Variants in ATP8A1 observed in about 807,000 individuals in gnomAD.
ATP8A1 encodes ATPase phospholipid transporting 8A1.
Under a neutral mutation model 177.7 loss-of-function variants are expected in ATP8A1, and 90 were observed. The ratio of observed to expected loss-of-function variants is 0.51; its 90% CI spans 0.43 to 0.60. The LOEUF (loss-of-function observed/expected upper bound fraction) is 0.60, where lower values mean the gene tolerates loss of function less well. Ranked by LOEUF, ATP8A1 falls within the 20% of genes least tolerant of loss-of-function variation. The pLI, the probability that ATP8A1 is intolerant of heterozygous loss-of-function variation, is 0.00. For synonymous variants in ATP8A1, 493 were observed against 485.9 expected (o/e 1.01, Z -0.19); for missense variants, 1,072 against 1,392.8 (o/e 0.77, Z 3.67).
chr4:42,454,407 T>G (rs1299228631), intron 29 of ATP8A1, among the ~76,000 whole-genome samples: 6 of 152,218 alleles, frequency 3.9e-5, no homozygotes, highest in African/African-American at 1.4e-4. Flanking sequence ...TAAGGTTACA[T>G]CTAATTATCA....
At chr4:42,420,101 A>G (rs1713717213) in intron 35 of ATP8A1, among the ~76,000 whole-genome samples, 1 of 152,230 alleles carries the variant, frequency 6.6e-6, no homozygotes, top group African/African-American at 2.4e-5. Context: ...CCAGGGGGTA[A>G]AATCAATCCA....
At chr4:42,651,928 C>T (rs1431850257) in intron 1 of ATP8A1, among the ~76,000 whole-genome samples, 1 of 152,212 alleles carries the variant, frequency 6.6e-6, no homozygotes, top group Non-Finnish European at 1.5e-5. Context: ...ATTTCAAATG[C>T]TAAGTTCAAA....
chr4:42,484,040 T>C (rs1335151090), intron 25 of ATP8A1, among the ~76,000 whole-genome samples: 2 of 152,240 alleles, frequency 1.3e-5, no homozygotes, highest in Admixed American at 1.3e-4. Flanking sequence ...GAGCAATCTT[T>C]TGTTGATCCT....
chr4:42,455,454 C>T (rs777478917), intron 28 of ATP8A1, 35 bp from the exon 29 acceptor site: 2 of 1,613,638 alleles, frequency 1.2e-6, no homozygotes, highest in East Asian at 4.5e-5. Flanking sequence ...TGTCAAGCAG[C>T]CAAATGCAGG....
At chr4:42,558,336 T>C (rs1044628035) in intron 15 of ATP8A1, among the ~76,000 whole-genome samples, 4 of 152,186 alleles carry the variant, frequency 2.6e-5, no homozygotes, top group African/African-American at 9.7e-5. Flanking sequence ...CTAGTAATTT[T>C]TGAGTGTCAC....
intron 5 of ATP8A1, among the ~76,000 whole-genome samples, chr4:42,610,639 C>A (rs1331706679): frequency 6.6e-6 from 1 of 150,380 alleles, no homozygotes; most frequent in Non-Finnish European, 1.5e-5. Context: ...ACAAATATCT[C>A]CTCTCCATCC....
In ATP8A1 at chr4:42,616,092, G is replaced by C. The variant is rs750136142; in HGVS notation, c.364-14C>G. ...TTTATGTCGTTTCTAAAGTTTAAAA[G>C]CAAAAAGAACAACTGTGAAAATGTG... On this transcript the variant is annotated splice_polypyrimidine_tract_variant and intron_variant, in intron 4 of 36. Transcript: ENST00000381668. 1.2e-6 allele frequency: 2 copies of C among 1,607,332 alleles called. No homozygotes were observed. The highest frequency in any genetic ancestry group is 1.7e-6 in the Non-Finnish European group (2 of 1,176,882).
Position 42,625,686 on chromosome 4 carries a change from G to T in ATP8A1, c.192C>A (p.Phe64Leu). 6.2e-7 allele frequency: 1 copy of T among 1,606,544 alleles called. No homozygotes were observed. Among genetic ancestry groups the T allele is most frequent in the African/African-American group, 1.3e-5 (1 of 74,788 alleles). The change falls in exon 3 of 37, where the codon TTC becomes TTA. Residue 64 changes from phenylalanine to leucine, a missense_variant. This residue lies in a region of ATP8A1 where 344 missense variants were observed against 393.5 expected (regional missense o/e 0.87). Coordinates refer to ENST00000381668, the MANE Select transcript of ATP8A1 (RefSeq NM_006095.2). ...ACTGAGAGTAGAGAAATCTTGGAAGGAATGTGATTATGTTGTATTTTGCAG... is the reference window on the plus strand; with the variant it reads ...ACTGAGAGTAGAGAAATCTTGGAAGTAATGTGATTATGTTGTATTTTGCAG... The part of the protein sequence containing the change: ...VSTAKYNIIT[F>L]LPRFLYSQFR...
chr4:42,597,546 TTC>T (rs1366337595), intron 6 of ATP8A1, among the ~76,000 whole-genome samples: 1 of 152,226 alleles, frequency 6.6e-6, no homozygotes, highest in African/African-American at 2.4e-5. Context: ...GTATAATTTC[TTC>T]TGTGTTGCTA....
intron 12 of ATP8A1, among the ~76,000 whole-genome samples, chr4:42,577,848 C>T (rs1371977738): frequency 6.6e-6 from 1 of 152,070 alleles, no homozygotes; most frequent in Non-Finnish European, 1.5e-5. Flanking sequence ...TTTGCTATGT[C>T]AAGAGATTCC....
intron 27 of ATP8A1, among the ~76,000 whole-genome samples, chr4:42,463,344 G>A (rs1719372907): frequency 6.6e-6 from 1 of 152,168 alleles, no homozygotes; most frequent in African/African-American, 2.4e-5. Flanking sequence ...ACCATCTTGA[G>A]GTCTGATGGT....
At chr4:42,457,480 T>C (rs773272219) in intron 27 of ATP8A1, among the ~76,000 whole-genome samples, 2 of 152,204 alleles carry the variant, frequency 1.3e-5, no homozygotes, top group Non-Finnish European at 2.9e-5. Context: ...AAACTTCCAA[T>C]TATGGCCTCT....
At chr4:42,647,832 T>C (rs2109571929) in intron 1 of ATP8A1, among the ~76,000 whole-genome samples, 1 of 152,122 alleles carries the variant, frequency 6.6e-6, no homozygotes, top group Admixed American at 6.5e-5. Context: ...CATGAAATAA[T>C]AAAAGTGGTA....
At chr4:42,517,107 C>CA (rs544078016) in intron 22 of ATP8A1, among the ~76,000 whole-genome samples, 1,528 of 152,158 alleles carry the variant, frequency 0.01, 24 homozygotes, top group African/African-American at 0.035. Flanking sequence ...CGAGACCATC[C>CA]TGGCCAACAT....
At chr4:42,527,408 C>A (rs915186105) in intron 20 of ATP8A1, among the ~76,000 whole-genome samples, 3 of 152,136 alleles carry the variant, frequency 2.0e-5, no homozygotes, top group Middle Eastern at 3.4e-3. Context: ...CTCTGATGAA[C>A]CTTTTTTGCC....
At chr4:42,421,852 T>C (rs1031099767) in intron 35 of ATP8A1, among the ~76,000 whole-genome samples, 1 of 152,194 alleles carries the variant, frequency 6.6e-6, no homozygotes. Context: ...TAATTGTCTT[T>C]TATTATAGAC....
At chr4:42,472,431 C>A in intron 25 of ATP8A1, 1 of 319,360 alleles carries the variant, frequency 3.1e-6, no homozygotes, top group Non-Finnish European at 6.1e-6. Context: ...GGTAGTGGAA[C>A]CAAATAAATG....
intron 22 of ATP8A1, among the ~76,000 whole-genome samples, chr4:42,510,477 C>A (rs1006299471): frequency 4.6e-5 from 7 of 151,962 alleles, no homozygotes; most frequent in Admixed American, 4.6e-4. Flanking sequence ...CAGTGAAGAT[C>A]AGGATATAGC....
intron 21 of ATP8A1, among the ~76,000 whole-genome samples, chr4:42,523,867 C>CT (rs1014786290): frequency 4.0e-4 from 61 of 151,444 alleles, no homozygotes; most frequent in African/African-American, 1.2e-3. Flanking sequence ...CAAAAGCCAT[C>CT]TTTTTTTTTG....
Sources: gnomAD v4.1 joint callset for allele counts (sites outside exome capture counted in the v4.1 genomes callset) on GRCh38, gnomAD v4.1.1 for gene constraint, gnomAD v4.1.1 regional missense constraint, MANE v1.5 for transcripts, NCBI Gene and HGNC (gene_info 2026-07-23, HGNC 2026-07-21) for gene names.